The following PDZK1 variants were observed in gnomAD, a reference collection of about 807,000 sequenced individuals.
PDZK1 encodes the protein Na(+)/H(+) exchange regulatory cofactor NHE-RF3.
A neutral mutation model predicts 38.1 loss-of-function variants in PDZK1; 23 were observed. That is an observed-to-expected ratio of 0.60 (90% CI 0.43 to 0.85). The LOEUF (loss-of-function observed/expected upper bound fraction) is 0.85, where lower values mean the gene tolerates loss of function less well. Among genes scored for constraint, PDZK1 ranks in the 40% least tolerant of loss-of-function variants. PDZK1 has a pLI of 0.00. For synonymous variants in PDZK1, 98 were observed against 186.2 expected, an observed-to-expected ratio of 0.53 and a Z score of 3.86; for missense variants, 297 against 504.3, an observed-to-expected ratio of 0.59 and a Z score of 3.94.
intron 1 of PDZK1, among the ~76,000 whole-genome samples, chr1:145,695,037 CAACATA>C (rs1559076589): frequency 6.6e-6 from 1 of 150,832 alleles, no homozygotes; most frequent in Non-Finnish European, 1.5e-5. Flanking sequence ...TGAGCCTTAA[CAACATA>C]TGGATGACAT....
At chr1:145,695,370 C>T (rs1030076876) in intron 1 of PDZK1, among the ~76,000 whole-genome samples, 5 of 151,560 alleles carry the variant, frequency 3.3e-5, no homozygotes, top group Admixed American at 6.6e-5. Flanking sequence ...TGCAGTGAGC[C>T]GAGACAGTGC....
At chr1:145,676,985 C>T in intron 6 of PDZK1, among the ~76,000 whole-genome samples, 1 of 152,246 alleles carries the variant, frequency 6.6e-6, no homozygotes, top group Admixed American at 6.5e-5. Context: ...CCCTCATAGC[C>T]ACCCTTCGCT....
Position 145,693,401 on chromosome 1 carries a change from C to T in PDZK1, c.-2-5378G>A, listed in dbSNP as rs78784865. 6.6e-5 allele frequency among the ~76,000 whole-genome samples: 10 copies of T among 152,212 alleles called. No individual in the cohort carries two copies. The East Asian group carries it at 7.7e-4, about 12-fold the overall frequency. On this transcript the variant is annotated intron_variant, in intron 1 of 8. Coordinates refer to ENST00000417171, the MANE Select transcript of PDZK1 (RefSeq NM_001201325.2). Reference sequence around the variant, plus strand: ...ATCACCTGTAGAGATTTAGAAAAATCGATGCTTAGGCCCCACCTCAGGTCT... The same window carrying T: ...ATCACCTGTAGAGATTTAGAAAAATTGATGCTTAGGCCCCACCTCAGGTCT...
chr1:145,676,351 C>G, intron 6 of PDZK1: 1 of 164,510 alleles, frequency 6.1e-6, no homozygotes, highest in Non-Finnish European at 1.3e-5. Context: ...CAAAATGACT[C>G]ATCATTTCTG....
chr1:145,706,469 G>A (rs1423306047), intron 1 of PDZK1, among the ~76,000 whole-genome samples: 1 of 152,144 alleles, frequency 6.6e-6, no homozygotes, highest in African/African-American at 2.4e-5. Context: ...ACTGAAAGCT[G>A]CCCTGGTGAC....
intron 3 of PDZK1, among the ~76,000 whole-genome samples, chr1:145,683,323 G>A (rs1553700768): frequency 6.6e-6 from 1 of 152,210 alleles, no homozygotes; most frequent in African/African-American, 2.4e-5. Flanking sequence ...GGGTGGCCTT[G>A]GCCCCTTGAA....
At chr1:145,698,925 C>T (rs991451140) in intron 1 of PDZK1, among the ~76,000 whole-genome samples, 14 of 149,070 alleles carry the variant, frequency 9.4e-5, no homozygotes, top group East Asian at 2.0e-4. Context: ...GGCGACAGAA[C>T]GAGAGTCTGC....
chr1:145,702,826 G>A (rs868922200), intron 1 of PDZK1, among the ~76,000 whole-genome samples: 1 of 152,300 alleles, frequency 6.6e-6, no homozygotes. Context: ...CCAAGAGGCG[G>A]AGCTTGCAGT....
intron 1 of PDZK1, among the ~76,000 whole-genome samples, chr1:145,693,523 C>G (rs947938457): frequency 4.7e-5 from 7 of 149,844 alleles, no homozygotes; most frequent in Non-Finnish European, 8.8e-5. Context: ...AATCTCAGCA[C>G]TTTGGGAGGC....
At chr1:145,677,589 G>A (rs1204628653) in intron 6 of PDZK1, among the ~76,000 whole-genome samples, 1 of 151,612 alleles carries the variant, frequency 6.6e-6, no homozygotes, top group Non-Finnish European at 1.5e-5. Context: ...AAAATGTGCT[G>A]GGGAGTATGG....
intron 1 of PDZK1, among the ~76,000 whole-genome samples, chr1:145,703,993 T>C (rs1200020210): frequency 1.3e-5 from 2 of 152,158 alleles, no homozygotes; most frequent in Non-Finnish European, 2.9e-5. Flanking sequence ...CACACCCGGC[T>C]ACTTTTTGTA....
At chr1:145,685,972 C>G (rs587653645) in intron 3 of PDZK1, among the ~76,000 whole-genome samples, 38 of 152,200 alleles carry the variant, frequency 2.5e-4, no homozygotes, top group African/African-American at 8.4e-4. Context: ...TTGCGGTATT[C>G]TCAGCAAAGG....
chr1:145,687,744 T>C, intron 2 of PDZK1, 68 bp downstream of exon 2: 2 of 1,378,174 alleles, frequency 1.5e-6, no homozygotes, highest in South Asian at 2.3e-5. Flanking sequence ...CCCCCAAAAT[T>C]ATAATCAGCA....
intron 1 of PDZK1, 56 bp from the exon 2 acceptor site, chr1:145,688,079 G>A (rs1553702363): frequency 1.4e-6 from 2 of 1,395,782 alleles, no homozygotes; most frequent in Non-Finnish European, 2.0e-6. Context: ...TAATTGGAGT[G>A]AGAACCCCAT....
intron 1 of PDZK1, among the ~76,000 whole-genome samples, chr1:145,703,911 C>T (rs144853573): frequency 1.3e-5 from 2 of 151,972 alleles, no homozygotes; most frequent in African/African-American, 4.8e-5. Context: ...TCACTGCAAC[C>T]TCTGCCACTT....
rs1188084424 is a variant in PDZK1, at chr1:145,677,926, A to C, written c.990+523T>G. The stretch of plus-strand genomic sequence containing the variant: ...TGTTAAAAGTAAAAAAAAAAAAAAA[A>C]AAAAAAAAAAAAACCTTAAAACATG... On this transcript the variant is annotated intron_variant, in intron 6 of 8. Transcript: ENST00000417171. Among the ~76,000 whole-genome samples the C allele has an allele frequency of 6.7e-5, 10 of 150,260 alleles. 1 individual carries two copies. The highest frequency in any genetic ancestry group is 1.5e-4 in the Non-Finnish European group (10 of 67,798).
At chr1:145,702,454 T>G (rs1380162799) in intron 1 of PDZK1, among the ~76,000 whole-genome samples, 3 of 152,196 alleles carry the variant, frequency 2.0e-5, no homozygotes, top group East Asian at 3.9e-4. Context: ...AATCGACATT[T>G]TGTGACTTTT....
At chr1:145,706,971 C>T (rs1306183661) in intron 1 of PDZK1, among the ~76,000 whole-genome samples, 4 of 152,008 alleles carry the variant, frequency 2.6e-5, no homozygotes, top group South Asian at 2.1e-4. Context: ...CGGGCATATC[C>T]GCCTGGTTAC....
rs183131454 is a variant in PDZK1 at position 145,696,087 on chromosome 1, T to C, written c.-2-8064A>G. 2.9e-4 allele frequency among the ~76,000 whole-genome samples: 44 copies of C among 152,336 alleles called. No individual in the cohort carries two copies. In the East Asian group the frequency reaches 7.5e-3, roughly 26 times the overall value. On this transcript the variant is annotated intron_variant, in intron 1 of 8. Transcript: ENST00000417171. ...TGTAGTTATTTTGTTCTGGTTTCAC[T>C]GTCATGAGGAAAGATCCCCTGTCGC...
Sources: gnomAD v4.1 joint callset for allele counts (sites outside exome capture counted in the v4.1 genomes callset) on GRCh38, gnomAD v4.1.1 for gene constraint, MANE v1.5 for transcripts, NCBI Gene and HGNC (gene_info 2026-07-23, HGNC 2026-07-21) for gene names.